The following POLR3E variants were observed in gnomAD, a reference collection of about 807,000 sequenced individuals.
POLR3E encodes the protein DNA-directed RNA polymerase III subunit RPC5.
Under a neutral mutation model 96.6 loss-of-function variants are expected in POLR3E, and 41 were observed. The ratio of observed to expected loss-of-function variants is 0.42; its 90% CI spans 0.33 to 0.55. POLR3E has a LOEUF of 0.55. Among genes scored for constraint, POLR3E ranks in the 20% least tolerant of loss-of-function variants. The probability of loss-of-function intolerance (pLI) is 0.06; values close to 1 mark genes in which losing one functional copy is unlikely to be tolerated. For synonymous variants in POLR3E, 396 were observed against 383.6 expected, an observed-to-expected ratio of 1.03 and a Z score of -0.38; for missense variants, 849 against 952.1, an observed-to-expected ratio of 0.89 and a Z score of 1.43.
In POLR3E at chr16:22,325,788, A is replaced by G. The variant is rs2048569639; in HGVS notation, c.1376A>G (p.Gln459Arg). The G allele has an allele frequency of 6.3e-7, 1 of 1,589,786 alleles. No homozygotes were observed. The highest frequency in any genetic ancestry group is 1.3e-5 in the African/African-American group (1 of 74,622). ...CCTGCCGGGCTGGTCTGTGGGGACC[A>G]GCGGATCCAAGTAGCCAAAACCAAG... ...SGPAGLVCGD[Q>R]RIQVAKTKAQ... is the part of the protein sequence containing the mutation. Residue 459 changes from glutamine to arginine, a missense_variant, in exon 18 of 21, where the codon CAG (glutamine) becomes CGG (arginine). Gln to Arg is a conservative substitution (Grantham distance 43). Transcript: ENST00000299853.
intron 19 of POLR3E, among the ~76,000 whole-genome samples, chr16:22,330,274 G>T (rs1158118618): frequency 1.3e-5 from 2 of 148,332 alleles, no homozygotes. Context: ...GGGTCGGGGG[G>T]TGGTCCCACC....
chr16:22,308,801 C>CA (rs2048184566), intron 4 of POLR3E, 124 bp from the exon 5 acceptor site: 2 of 630,150 alleles, frequency 3.2e-6, no homozygotes, highest in Non-Finnish European at 5.7e-6. Flanking sequence ...CCCTTGGGGA[C>CA]ATGTGTCAGT....
rs951713021 is a variant in POLR3E at position 22,334,790 on chromosome 16, G to C, written c.*1090G>C. On this transcript the variant is annotated 3_prime_UTR_variant, in exon 21 of 21. Transcript: ENST00000299853. ...GACAGTATTGGATAGCACAGCCCTA[G>C]AAACTGATGGAAAAAATAAGAGTAA... The C allele has an allele frequency of 2.0e-5, 3 of 152,194 alleles. No homozygotes were observed. Among genetic ancestry groups the C allele is most frequent in the African/African-American group, 7.2e-5 (3 of 41,454 alleles). 9.4% of individuals were successfully genotyped at this position (152,194 alleles called of 1,614,324 possible). A position where few individuals can be genotyped will look rare whatever the true frequency, so the allele number is the denominator to read the frequency against.
chr16:22,329,382 C>T (rs764608890), intron 19 of POLR3E, among the ~76,000 whole-genome samples: 8 of 152,192 alleles, frequency 5.3e-5, no homozygotes, highest in Non-Finnish European at 1.0e-4. Flanking sequence ...GAAGCAGCAG[C>T]GCCTTGCGTG....
intron 10 of POLR3E, 74 bp downstream of exon 10, chr16:22,316,760 C>A: frequency 8.0e-7 from 1 of 1,256,274 alleles, no homozygotes; most frequent in South Asian, 1.2e-5. Context: ...GTGGATCCTC[C>A]CAGAGGACTG....
chr16:22,300,997 A>G (rs1297962205), intron 1 of POLR3E, among the ~76,000 whole-genome samples: 1 of 151,634 alleles, frequency 6.6e-6, no homozygotes, highest in East Asian at 1.9e-4. Context: ...AAACTGTCAC[A>G]TGGTGATAGA....
chr16:22,329,383 G>A (rs1479306641), intron 19 of POLR3E, among the ~76,000 whole-genome samples: 1 of 152,188 alleles, frequency 6.6e-6, no homozygotes, highest in African/African-American at 2.4e-5. Flanking sequence ...AAGCAGCAGC[G>A]CCTTGCGTGT....
chr16:22,332,494 TTC>T (rs2048761638), intron 20 of POLR3E, among the ~76,000 whole-genome samples: 1 of 152,174 alleles, frequency 6.6e-6, no homozygotes, highest in South Asian at 2.1e-4. Flanking sequence ...TTCATCCCTC[TTC>T]TCTGCTTGTC....
In POLR3E at chr16:22,318,375, T is replaced by A. The variant is rs991397928; in HGVS notation, c.866-451T>A. On this transcript the variant is annotated intron_variant, in intron 12 of 20. Coordinates refer to ENST00000299853, the MANE Select transcript of POLR3E (RefSeq NM_018119.4). The surrounding 1 kb of genome is among the most constrained non-coding windows in gnomAD (Gnocchi z 5.0). The stretch of plus-strand genomic sequence containing the variant: ...TCCCAAAGTGCTGTGATTACAGGTG[T>A]GAGCCAAAGCGCCCAGCCAAATTTT... 1.3e-5 allele frequency among the ~76,000 whole-genome samples: 2 copies of A among 152,212 alleles called. No homozygotes were observed. The highest frequency in any genetic ancestry group is 4.8e-5 in the African/African-American group (2 of 41,458).
At position 22,324,633 on chromosome 16, in the gene POLR3E, A is replaced by T; in HGVS notation, c.1259A>T (p.His420Leu). 6.2e-7 allele frequency: 1 copy of T among 1,613,908 alleles called. No individual in the cohort carries two copies. The highest frequency in any genetic ancestry group is 8.5e-7 in the Non-Finnish European group (1 of 1,179,966). ...CACCCGGATGTGGTCCAGCGGCAGC[A>T]CATGCTGTGGACGGGTATCCAGGCC... ...KKHPDVVQRQ[H>L]MLWTGIQAKL... Residue 420 changes from histidine to leucine, a missense_variant, in exon 16 of 21, where the codon CAC (histidine) becomes CTC (leucine). Physicochemically the swap from His to Leu is moderately conservative, Grantham distance 99. Coordinates refer to ENST00000299853, the MANE Select transcript of POLR3E (RefSeq NM_018119.4).
chr16:22,303,856 G>T (rs1367504946), intron 2 of POLR3E, among the ~76,000 whole-genome samples: 1 of 143,676 alleles, frequency 7.0e-6, no homozygotes, highest in Non-Finnish European at 1.5e-5. Flanking sequence ...CTGTCTCCCA[G>T]GCTGGAGTGC....
At chr16:22,328,720 T>A in intron 19 of POLR3E, 133 bp downstream of exon 19, 2 of 732,720 alleles carry the variant, frequency 2.7e-6, no homozygotes, top group Non-Finnish European at 5.0e-6. Flanking sequence ...GTTTTAAATA[T>A]CCTGCTCCAA....
intron 13 of POLR3E, among the ~76,000 whole-genome samples, chr16:22,319,410 T>C (rs957902695): frequency 2.0e-5 from 3 of 151,964 alleles, no homozygotes; most frequent in Admixed American, 1.3e-4. Flanking sequence ...TTTTTGTTTT[T>C]TTTTTTGAGA....
chr16:22,309,557 G>A (rs553341807), intron 6 of POLR3E, 47 bp downstream of exon 6: 47 of 1,339,232 alleles, frequency 3.5e-5, no homozygotes, highest in South Asian at 7.0e-5. Context: ...CATTGGGGGG[G>A]GCTGGGCAGG....
In POLR3E at chr16:22,308,965, A is replaced by G. The variant is rs1334335667; in HGVS notation, c.206A>G (p.Tyr69Cys). The part of the protein sequence containing the change: ...EMAIDTLNPN[Y>C]CRSKGEQIAL... ...GCCATCGACACCCTGAACCCCAACT[A>G]TTGCCGCAGCAAAGGGGAGCAGATT... The change falls in exon 5 of 21, where the codon TAT becomes TGT. Residue 69 changes from tyrosine (Y) to cysteine (C), a missense_variant. Tyr to Cys is a radical substitution (Grantham distance 194, BLOSUM62 -2). Transcript: ENST00000299853. 1.1e-5 allele frequency: 17 copies of G among 1,613,888 alleles called. No individual in the cohort carries two copies. In the Admixed American group the frequency reaches 1.8e-4, roughly 17 times the overall value.
intron 2 of POLR3E, among the ~76,000 whole-genome samples, chr16:22,303,964 CTA>C (rs2048082948): frequency 6.6e-6 from 1 of 151,858 alleles, no homozygotes; most frequent in Non-Finnish European, 1.5e-5. Flanking sequence ...GCGCCCGCCA[CTA>C]CACCTGGCTA....
chr16:22,324,507 G>C lies in POLR3E; in HGVS notation c.1133G>C (p.Cys378Ser). ...RKEVATVTKLCAEDVKDFLEH... is the reference protein window; with the variant it reads ...RKEVATVTKLSAEDVKDFLEH... ...GCTGGGCCCCCTCCCCTCCAGCTCT[G>C]CGCCGAGGATGTGAAGGACTTCCTG... Residue 378 changes from cysteine (C) to serine (S), a missense_variant, in exon 16 of 21, where the codon TGC becomes TCC. By Grantham distance (112) the Cys-to-Ser change is moderately radical (BLOSUM62 -1). Transcript: ENST00000299853. 1 of 1,611,608 alleles carries C rather than the reference G, an allele frequency of 6.2e-7. No homozygotes were observed. The highest frequency in any genetic ancestry group is 8.5e-7 in the Non-Finnish European group (1 of 1,178,878).
At chr16:22,308,557 C>G (rs1488176713) in intron 4 of POLR3E, 2 of 445,544 alleles carry the variant, frequency 4.5e-6, no homozygotes, top group Admixed American at 7.4e-5. Context: ...CAGCTCTAGC[C>G]CCTCCAGCCA....
intron 19 of POLR3E, chr16:22,331,839 A>G (rs980270800): frequency 4.4e-6 from 2 of 453,018 alleles, no homozygotes; most frequent in African/African-American, 4.0e-5. Context: ...TCAAGTTTCC[A>G]GACATAGCAT....
Sources: gnomAD v4.1 joint callset for allele counts (sites outside exome capture counted in the v4.1 genomes callset) on GRCh38, gnomAD v4.1.1 for gene constraint, Gnocchi (gnomAD v3.1) non-coding constraint, MANE v1.5 for transcripts, NCBI Gene and HGNC (gene_info 2026-07-23, HGNC 2026-07-21) for gene names.